The following PGCKA1 variants were observed in gnomAD, a reference collection of about 807,000 sequenced individuals.
PGCKA1 encodes PDCD10 and GCKIII kinases associated 1.
the PGCKA1 span, among the ~76,000 whole-genome samples, chr4:37,556,909 A>G: frequency 2.0e-3 from 305 of 152,364 alleles, no homozygotes; most frequent in African/African-American, 7.0e-3. Flanking sequence ...TGAGCAGTGT[A>G]TCAGAGCTTA....
the PGCKA1 span, among the ~76,000 whole-genome samples, chr4:37,468,490 C>T: frequency 7.1e-3 from 1,076 of 152,278 alleles, 19 homozygotes; most frequent in African/African-American, 0.025. Flanking sequence ...TCTGGTGCCT[C>T]GTCCTTTTCT....
At chr4:37,564,829 G>A in the PGCKA1 span, among the ~76,000 whole-genome samples, 3 of 152,078 alleles carry the variant, frequency 2.0e-5, no homozygotes, top group Non-Finnish European at 2.9e-5. Context: ...TTTTTCAGCA[G>A]ATCCTTTAGT....
the PGCKA1 span, among the ~76,000 whole-genome samples, chr4:37,520,509 A>G: frequency 6.6e-6 from 1 of 152,066 alleles, no homozygotes; most frequent in African/African-American, 2.4e-5. Flanking sequence ...TTGTCTAGGA[A>G]TTTATCTGTT....
the PGCKA1 span, among the ~76,000 whole-genome samples, chr4:37,497,915 T>C: frequency 6.6e-6 from 1 of 152,176 alleles, no homozygotes; most frequent in Non-Finnish European, 1.5e-5. Context: ...TTTGTTGTTA[T>C]TGCATTAGCT....
At chr4:37,553,400 G>A in the PGCKA1 span, among the ~76,000 whole-genome samples, 88 of 137,450 alleles carry the variant, frequency 6.4e-4, no homozygotes, top group Middle Eastern at 3.8e-3. Flanking sequence ...GATGTTGTTA[G>A]TTTCATCTTA....
the PGCKA1 span, among the ~76,000 whole-genome samples, chr4:37,533,478 AAACT>A: frequency 6.6e-6 from 1 of 152,214 alleles, no homozygotes; most frequent in African/African-American, 2.4e-5. Context: ...TCGTTTCCAC[AAACT>A]ATGTTTCTGC....
the PGCKA1 span, among the ~76,000 whole-genome samples, chr4:37,508,497 C>T: frequency 6.6e-6 from 1 of 151,034 alleles, no homozygotes; most frequent in Non-Finnish European, 1.5e-5. Context: ...ATTAAAAGAC[C>T]ATGATGCATT....
the PGCKA1 span, among the ~76,000 whole-genome samples, chr4:37,484,948 T>G: frequency 6.6e-6 from 1 of 152,336 alleles, no homozygotes; most frequent in South Asian, 2.1e-4. Flanking sequence ...AGAAAAGTGG[T>G]TAGAGAGTCA....
chr4:37,516,987 T>C, the PGCKA1 span, among the ~76,000 whole-genome samples: 4 of 152,166 alleles, frequency 2.6e-5, no homozygotes, highest in African/African-American at 9.7e-5. Context: ...CCAGGCGCTG[T>C]GGCTCACGCC....
chr4:37,521,105 G>C, the PGCKA1 span, among the ~76,000 whole-genome samples: 1 of 151,164 alleles, frequency 6.6e-6, no homozygotes, highest in Non-Finnish European at 1.5e-5. Flanking sequence ...TACTAATTTT[G>C]GATTTGGTTT....
chr4:37,562,570 G>A, the PGCKA1 span, among the ~76,000 whole-genome samples: 1 of 152,170 alleles, frequency 6.6e-6, no homozygotes, highest in African/African-American at 2.4e-5. Flanking sequence ...TTGAGGACAG[G>A]GCAGTGGGAG....
chr4:37,552,109 C>T, the PGCKA1 span, among the ~76,000 whole-genome samples: 1,255 of 152,300 alleles, frequency 8.2e-3, 19 homozygotes, highest in African/African-American at 0.029. Flanking sequence ...CAAAACCAGA[C>T]CTGGGCCTGC....
the PGCKA1 span, among the ~76,000 whole-genome samples, chr4:37,542,061 C>T: frequency 2.6e-5 from 4 of 152,224 alleles, no homozygotes; most frequent in East Asian, 5.8e-4. Flanking sequence ...CCCTGTACAG[C>T]GCATCTTCCA....
At chr4:37,592,788 A>G in the PGCKA1 span, among the ~76,000 whole-genome samples, 2 of 152,332 alleles carry the variant, frequency 1.3e-5, no homozygotes, top group African/African-American at 4.8e-5. Flanking sequence ...AGATGATGTA[A>G]GTGTTTAGCA....
At chr4:37,492,898 A>G in the PGCKA1 span, among the ~76,000 whole-genome samples, 1 of 152,062 alleles carries the variant, frequency 6.6e-6, no homozygotes, top group Non-Finnish European at 1.5e-5. The surrounding 1 kb of genome is among the most constrained non-coding windows in gnomAD (Gnocchi z 4.7). Context: ...TCTGCTGTAA[A>G]TTGGTGCCAC....
chr4:37,513,536 G>T, the PGCKA1 span, among the ~76,000 whole-genome samples: 1 of 152,164 alleles, frequency 6.6e-6, no homozygotes, highest in Non-Finnish European at 1.5e-5. Context: ...TCAGATTGGG[G>T]CCCCACCCTT....
At chr4:37,455,941 A>G in the PGCKA1 span, among the ~76,000 whole-genome samples, 1 of 152,136 alleles carries the variant, frequency 6.6e-6, no homozygotes. Flanking sequence ...CTCTCCCTAG[A>G]CTGTGTTTCA....
chr4:37,539,195 G>T, the PGCKA1 span, among the ~76,000 whole-genome samples: 1 of 152,186 alleles, frequency 6.6e-6, no homozygotes, highest in East Asian at 1.9e-4. Context: ...TCAGTTAAAT[G>T]AAGGTTAAGT....
the PGCKA1 span, among the ~76,000 whole-genome samples, chr4:37,570,607 C>G: frequency 6.6e-6 from 1 of 152,140 alleles, no homozygotes; most frequent in Non-Finnish European, 1.5e-5. Context: ...ACCTCAGTCC[C>G]TAGTAGCGGC....
Sources: gnomAD v4.1 joint callset for allele counts (sites outside exome capture counted in the v4.1 genomes callset) on GRCh38, gnomAD v4.1.1 for gene constraint, Gnocchi (gnomAD v3.1) non-coding constraint, MANE v1.5 for transcripts, NCBI Gene and HGNC (gene_info 2026-07-23, HGNC 2026-07-21) for gene names.